The following IGFN1 variants were observed in gnomAD, a reference collection of about 807,000 sequenced individuals.
IGFN1 encodes immunoglobulin like and fibronectin type III domain containing 1.
Under a neutral mutation model 289.5 loss-of-function variants are expected in IGFN1, and 253 were observed. The observed-to-expected ratio is 0.87, with a 90% CI of 0.79 to 0.97. IGFN1 has a LOEUF of 0.97. IGFN1 is among the 50% of genes least tolerant of loss of function. The pLI, the probability that IGFN1 is intolerant of heterozygous loss-of-function variation, is 0.00. For synonymous variants in IGFN1, 1,706 were observed against 1,788.5 expected (o/e 0.95, Z 1.16); for missense variants, 4,470 against 4,686.1 (o/e 0.95, Z 1.35).
Position 201,197,276 on chromosome 1 carries a change from A to T in IGFN1, c.326A>T (p.Tyr109Phe), listed in dbSNP as rs146639786. Residue 109 changes from tyrosine to phenylalanine, a missense_variant, in exon 5 of 24, where the codon TAC becomes TTC. Tyr to Phe is a conservative substitution (Grantham distance 22, BLOSUM62 3). Around this residue, in one of 8 missense-constraint regions of IGFN1, gnomAD observed 2,011 missense variants for 1,953.4 expected, o/e 1.03. Transcript: ENST00000335211. Reference protein sequence around the residue: ...DLYRCTAVNAYGEAACSVRLT... With the variant: ...DLYRCTAVNAFGEAACSVRLT... ...TACCGCTGCACAGCAGTAAATGCGT[A>T]CGGAGAGGCCGCTTGCTCAGTGAGA... is the stretch of plus-strand genomic sequence containing the variant. 223 of 1,551,596 alleles carry T rather than the reference A, an allele frequency of 1.4e-4. No homozygotes were observed. In the African/African-American group the frequency reaches 2.8e-3, roughly 19 times the overall value.
chr1:201,190,945 A>G (rs1666630856), intron 1 of IGFN1, 38 bp downstream of exon 1: 1 of 152,158 alleles, frequency 6.6e-6, no homozygotes, highest in Non-Finnish European at 1.5e-5. Flanking sequence ...CACCCGGGCC[A>G]GGGTAGGGCC....
At position 201,206,916 on chromosome 1, in the gene IGFN1, A is replaced by G; in HGVS notation, c.2023A>G (p.Thr675Ala). 6.5e-7 allele frequency: 1 copy of G among 1,536,166 alleles called. No individual in the cohort carries two copies. Among genetic ancestry groups the G allele is most frequent in the Non-Finnish European group, 8.7e-7 (1 of 1,146,446 alleles). The stretch of plus-strand genomic sequence containing the variant: ...CAGCAATGGGGCAGGAGGTCCTGGC[A>G]CCCTGGAGCTTACTGGAGGAAGAGG... ...GDSNGAGGPGTLELTGGRGSG... is the reference protein window; with the variant it reads ...GDSNGAGGPGALELTGGRGSG... Residue 675 changes from threonine (T) to alanine (A), a missense_variant, in exon 12 of 24, where the codon ACC becomes GCC. Around this residue, in one of 8 missense-constraint regions of IGFN1, gnomAD observed 2,011 missense variants for 1,953.4 expected, o/e 1.03. Transcript: ENST00000335211.
Position 201,208,364 on chromosome 1 carries a change from G to T in IGFN1, c.3471G>T (p.Arg1157Ser). The change falls in exon 12 of 24, where the codon AGG becomes AGT. Residue 1157 changes from arginine (R) to serine (S), a missense_variant. Physicochemically the swap from Arg to Ser is moderately radical, Grantham distance 110. This residue lies in a region of IGFN1 where 2,011 missense variants were observed against 1,953.4 expected (regional missense o/e 1.03). Transcript: ENST00000335211. The stretch of plus-strand genomic sequence containing the variant: ...GAGCCATGGGACCAGGGTCTCTGAG[G>T]GCAGGAAGCAAAGTGGGTGAGGGGG... Reference protein sequence around the residue: ...GPGAMGPGSLRAGSKVGEGDG... With the variant: ...GPGAMGPGSLSAGSKVGEGDG... 1 of 1,462,722 alleles carries T rather than the reference G, an allele frequency of 6.8e-7. No homozygotes were observed. Among genetic ancestry groups the T allele is most frequent in the Non-Finnish European group, 8.9e-7 (1 of 1,117,378 alleles). 90.6% of individuals were successfully genotyped at this position (1,462,722 alleles called of 1,614,324 possible). A position where few individuals can be genotyped will look rare whatever the true frequency, so the allele number is the denominator to read the frequency against.
Position 201,207,991 on chromosome 1 carries a change from C to G in IGFN1, c.3098C>G (p.Ser1033Cys). 1 of 1,536,854 alleles carries G rather than the reference C, an allele frequency of 6.5e-7. No individual in the cohort carries two copies. Among genetic ancestry groups the G allele is most frequent in the South Asian group, 1.2e-5 (1 of 84,058 alleles). ...NEDSGPAGGG[S>C]GRVASLKNGS... ...GATTCTGGCCCTGCAGGAGGAGGGTCTGGGAGAGTTGCCAGTCTTAAAAAT... is the reference window on the plus strand; with the variant it reads ...GATTCTGGCCCTGCAGGAGGAGGGTGTGGGAGAGTTGCCAGTCTTAAAAAT... The change falls in exon 12 of 24, where the codon TCT (serine) becomes TGT (cysteine). Residue 1033 changes from serine to cysteine, a missense_variant. Physicochemically the swap from Ser to Cys is moderately radical, Grantham distance 112 (BLOSUM62 -1). This residue lies in a region of IGFN1 where 2,011 missense variants were observed against 1,953.4 expected (regional missense o/e 1.03). Transcript: ENST00000335211.
Position 201,209,932 on chromosome 1 carries a change from C to A in IGFN1, c.5039C>A (p.Ala1680Asp), listed in dbSNP as rs1290490147. ...GCAGGTTATAGGAAGAATTTGGGGG[C>A]TCCTGAGGGAATAGGTTCAGGGAGT... is the stretch of plus-strand genomic sequence containing the variant. ...DEAGYRKNLG[A>D]PEGIGSGSKA... is the part of the protein sequence containing the mutation. Residue 1680 changes from alanine (A) to aspartate (D), a missense_variant, in exon 12 of 24, where the codon GCT becomes GAT. Physicochemically the swap from Ala to Asp is moderately radical, Grantham distance 126 (BLOSUM62 -2). Around this residue, in one of 8 missense-constraint regions of IGFN1, gnomAD observed 49 missense variants for 62.6 expected, o/e 0.78. Transcript: ENST00000335211. 6.9e-7 allele frequency: 1 copy of A among 1,446,098 alleles called. No individual in the cohort carries two copies. Among genetic ancestry groups the A allele is most frequent in the Admixed American group, 2.1e-5 (1 of 47,364 alleles). 89.6% of individuals were successfully genotyped at this position (1,446,098 alleles called of 1,614,324 possible).
In IGFN1 at chr1:201,206,759, A is replaced by G. The variant is rs1289468228; in HGVS notation, c.1866A>G (p.Pro622=). Residue 622 remains proline, a synonymous_variant, in exon 12 of 24, where the codon CCA becomes CCG. Coordinates refer to ENST00000335211, the MANE Select transcript of IGFN1 (RefSeq NM_001164586.2). ...AGTCTGATCCTGTAGGGTCCTGGCC[A>G]AGAGGAAAGCAGATAGAGATTTCAC... ...GCQSDPVGSW[P]RGKQIEISQD... is the part of the protein sequence containing the mutation. 6.5e-7 allele frequency: 1 copy of G among 1,536,918 alleles called. No individual in the cohort carries two copies. Among genetic ancestry groups the G allele is most frequent in the Non-Finnish European group, 8.7e-7 (1 of 1,146,926 alleles).
chr1:201,219,218 G>A (rs1005831835), intron 18 of IGFN1, among the ~76,000 whole-genome samples: 2 of 152,244 alleles, frequency 1.3e-5, no homozygotes, highest in African/African-American at 4.8e-5. Context: ...GGTAACAGGG[G>A]AAGCTCAGCA....
Position 201,208,073 on chromosome 1 carries a change from A to C in IGFN1, c.3180A>C (p.Ala1060=), listed in dbSNP as rs1469926119. The C allele has an allele frequency of 6.5e-7, 1 of 1,536,902 alleles. No individual in the cohort carries two copies. The highest frequency in any genetic ancestry group is 1.4e-5 in the African/African-American group (1 of 73,018). The part of the protein sequence containing the change: ...PMNDTRNWAS[A]CQAGMDPRGG... ...ATGACACCAGGAATTGGGCCTCTGC[A>C]TGCCAGGCAGGCATGGACCCTAGGG... Residue 1060 remains alanine (A), a synonymous_variant, in exon 12 of 24, where the codon GCA becomes GCC. Transcript: ENST00000335211.
chr1:201,205,117 A>G lies in IGFN1; in HGVS notation c.952A>G (p.Thr318Ala). The change falls in exon 11 of 24, where the codon ACC becomes GCC. Residue 318 changes from threonine to alanine, a missense_variant. Physicochemically the swap from Thr to Ala is moderately conservative, Grantham distance 58. This residue lies in a region of IGFN1 where 2,011 missense variants were observed against 1,953.4 expected (regional missense o/e 1.03). Transcript: ENST00000335211. ...PPRVVVPLAE[T>A]HCEEQGDAVF... ...AAGAGTGGTGGTCCCACTGGCGGAGACCCACTGTGAGGAGCAGGGTGACGC... is the reference window on the plus strand; with the variant it reads ...AAGAGTGGTGGTCCCACTGGCGGAGGCCCACTGTGAGGAGCAGGGTGACGC... 1 of 1,550,256 alleles carries G rather than the reference A, an allele frequency of 6.5e-7. No homozygotes were observed. The highest frequency in any genetic ancestry group is 8.7e-7 in the Non-Finnish European group (1 of 1,146,718).
At chr1:201,224,379 A>G (rs946509242) in intron 20 of IGFN1, among the ~76,000 whole-genome samples, 2 of 152,086 alleles carry the variant, frequency 1.3e-5, no homozygotes, top group African/African-American at 4.8e-5. Context: ...CTGAGAGGAT[A>G]ATGTCCAGAT....
In IGFN1 at chr1:201,218,563, G is replaced by C; in HGVS notation, c.9803G>C (p.Gly3268Ala). The C allele has an allele frequency of 6.2e-7, 1 of 1,613,516 alleles. No individual in the cohort carries two copies. Among genetic ancestry groups the C allele is most frequent in the South Asian group, 1.1e-5 (1 of 91,048 alleles). The change falls in exon 18 of 24, where the codon GGC becomes GCC. Residue 3268 changes from glycine to alanine, a missense_variant. Physicochemically the swap from Gly to Ala is moderately conservative, Grantham distance 60 (BLOSUM62 0). This residue lies in a region of IGFN1 where 2,218 missense variants were observed against 2,114.1 expected (regional missense o/e 1.05). Transcript: ENST00000335211. ...TGGACGGTGGCGGACGTGCGGCAGG[G>C]CTGTCAGTATGAGTTCCGGGTCACA... ...RRWTVADVRQ[G>A]CQYEFRVTAV...
rs1230572088 is a variant in IGFN1, at chr1:201,221,571, C to T, written c.10026C>T (p.Ser3342=). The T allele has an allele frequency of 6.2e-7, 1 of 1,614,212 alleles. No homozygotes were observed. Among genetic ancestry groups the T allele is most frequent in the Non-Finnish European group, 8.5e-7 (1 of 1,180,024 alleles). ...EAQGYVVELC[S]SDSLQWLPCH... ...AGGGGTATGTGGTGGAGCTGTGCAG[C>T]TCAGACAGTCTCCAGTGGCTCCCGT... The change falls in exon 19 of 24, where the codon AGC becomes AGT. Residue 3342 remains serine (S), a synonymous_variant. Transcript: ENST00000335211.
At chr1:201,203,287 A>T (rs1239283737) in intron 9 of IGFN1, among the ~76,000 whole-genome samples, 1 of 152,198 alleles carries the variant, frequency 6.6e-6, no homozygotes, top group Non-Finnish European at 1.5e-5. Flanking sequence ...GCAGGTATGC[A>T]TATAGATTAC....
chr1:201,213,269 G>T lies in IGFN1; in HGVS notation c.8376G>T (p.Gly2792=). The T allele has an allele frequency of 6.4e-7, 1 of 1,553,796 alleles. No individual in the cohort carries two copies. The highest frequency in any genetic ancestry group is 8.7e-7 in the Non-Finnish European group (1 of 1,148,118). ...AGAATGGTGAGGTCCAGGGTCCTGGGGCCCTAAAGGAGGATGAAGGGCAGG... is the reference window on the plus strand; with the variant it reads ...AGAATGGTGAGGTCCAGGGTCCTGGTGCCCTAAAGGAGGATGAAGGGCAGG... The part of the protein sequence containing the change: ...EAENGEVQGP[G]ALKEDEGQGV... Residue 2792 remains glycine (G), a synonymous_variant, in exon 12 of 24, where the codon GGG becomes GGT. Coordinates refer to ENST00000335211, the MANE Select transcript of IGFN1 (RefSeq NM_001164586.2).
At position 201,209,526 on chromosome 1, in the gene IGFN1, AAGGC is replaced by A. The variant is rs1356479662; in HGVS notation, c.4637_4640del (p.Ala1546ValfsTer6). The A allele has an allele frequency of 6.5e-7, 1 of 1,532,806 alleles. No individual in the cohort carries two copies. Among genetic ancestry groups the A allele is most frequent in the Non-Finnish European group, 8.7e-7 (1 of 1,144,376 alleles). 95.0% of individuals were successfully genotyped at this position (1,532,806 alleles called of 1,614,324 possible). Reference sequence around the variant, plus strand: ...TTCTGAGGCAATAGGTTCAGGGAGTAAGGCAGGTTTTACGGATGGTTTAGGAGGT... The same window carrying A: ...TTCTGAGGCAATAGGTTCAGGGAGTAAGGTTTTACGGATGGTTTAGGAGGT... On this transcript the variant is annotated frameshift_variant, in exon 12 of 24. Transcript: ENST00000335211. LOFTEE classifies it high-confidence loss of function.
intron 4 of IGFN1, 109 bp downstream of exon 4, chr1:201,196,087 T>C: frequency 1.8e-6 from 2 of 1,106,152 alleles, no homozygotes; most frequent in South Asian, 1.8e-5. Context: ...ATACTCCTCG[T>C]TGAGGTTGAA....
intron 18 of IGFN1, among the ~76,000 whole-genome samples, chr1:201,219,176 C>G (rs187158296): frequency 2.8e-4 from 43 of 152,350 alleles, no homozygotes; most frequent in African/African-American, 9.9e-4. Context: ...TCCACTCACC[C>G]TAGTGTTGCC....
chr1:201,194,302 A>C, intron 3 of IGFN1, 29 bp downstream of exon 3: 1 of 1,549,320 alleles, frequency 6.5e-7, no homozygotes, highest in East Asian at 2.4e-5. Flanking sequence ...TGCGGAGGGG[A>C]GGCAAGATTC....
chr1:201,208,151 G>A lies in IGFN1; in HGVS notation c.3258G>A (p.Ala1086=), dbSNP rs947238785. ...GLGSPGVTGS[A]GRGGLKAPGV... ...GGAGTCCTGGGGTGACAGGGTCTGC[G>A]GGTAGAGGTGGTCTCAAGGCCCCTG... is the stretch of plus-strand genomic sequence containing the variant. The change falls in exon 12 of 24, where the codon GCG becomes GCA. Residue 1086 remains alanine, a synonymous_variant. Transcript: ENST00000335211. 37 of 1,536,898 alleles carry A rather than the reference G, an allele frequency of 2.4e-5. No homozygotes were observed. Among genetic ancestry groups the A allele is most frequent in the Middle Eastern group, 3.3e-4 (2 of 6,012 alleles).
Sources: allele counts gnomAD v4.1 joint callset (sites outside exome capture counted in the v4.1 genomes callset), GRCh38; gene constraint gnomAD v4.1.1; regional missense constraint gnomAD v4.1.1; transcripts MANE v1.5; gene names NCBI Gene and HGNC (gene_info 2026-07-23, HGNC 2026-07-21).